The following NOTCH2NLC variants were observed in gnomAD, a reference collection of about 807,000 sequenced individuals.
NOTCH2NLC encodes notch homolog 2 N-terminal-like protein C.
In NOTCH2NLC, 4 loss-of-function variants were observed where a neutral mutation model predicts 17.7. The ratio of observed to expected loss-of-function variants is 0.23; its 90% CI spans 0.11 to 0.52. The LOEUF is 0.52. Ranked by LOEUF, NOTCH2NLC falls within the 20% of genes least tolerant of loss-of-function variation. The pLI is 0.96. For missense variants in NOTCH2NLC, 57 were observed against 207.2 expected (o/e 0.28, Z 4.45); for synonymous variants, 18 against 86.0 (o/e 0.21, Z 4.38).
At chr1:149,445,837 C>T (rs1478936937) in intron 2 of NOTCH2NLC, among the ~76,000 whole-genome samples, 4 of 116,650 alleles carry the variant, frequency 3.4e-5, no homozygotes, top group African/African-American at 9.9e-5. Flanking sequence ...TCTTTTTCTT[C>T]TTGTATGTGG....
chr1:149,400,356 T>C (rs1323225702), intron 1 of NOTCH2NLC, among the ~76,000 whole-genome samples: 3 of 140,746 alleles, frequency 2.1e-5, no homozygotes, highest in African/African-American at 7.7e-5. Context: ...CTTCTTTTGG[T>C]AAATTGTGTC....
intron 1 of NOTCH2NLC, among the ~76,000 whole-genome samples, chr1:149,423,121 G>C (rs2084386753): frequency 7.0e-6 from 1 of 143,284 alleles, no homozygotes; most frequent in Non-Finnish European, 1.5e-5. Flanking sequence ...TTAATATCTG[G>C]ATCTGATACT....
intron 1 of NOTCH2NLC, among the ~76,000 whole-genome samples, chr1:149,412,729 C>T (rs1353723624): frequency 7.7e-6 from 1 of 130,372 alleles, no homozygotes; most frequent in Non-Finnish European, 1.6e-5. Context: ...AGGAGAATCG[C>T]TTGAACCTGG....
chr1:149,445,901 T>TAAAAAA (rs1182076544), intron 2 of NOTCH2NLC, among the ~76,000 whole-genome samples: 2 of 72,602 alleles, frequency 2.8e-5, no homozygotes, highest in Non-Finnish European at 5.3e-5. Context: ...ATCCTCGTTT[T>TAAAAAA]AAAAAAAAAA....
chr1:149,407,919 TC>T (rs2084278764), intron 1 of NOTCH2NLC, among the ~76,000 whole-genome samples: 1 of 67,682 alleles, frequency 1.5e-5, no homozygotes, highest in Non-Finnish European at 3.1e-5. Flanking sequence ...GAATTTCATT[TC>T]TCATGATGTG....
chr1:149,433,444 A>G (rs1323125872), intron 2 of NOTCH2NLC, among the ~76,000 whole-genome samples: 4 of 150,794 alleles, frequency 2.7e-5, no homozygotes, highest in Admixed American at 2.6e-4. Context: ...CTTAAAAGCA[A>G]AATTTAAAAA....
At chr1:149,432,039 GA>G (rs2084454559) in intron 2 of NOTCH2NLC, among the ~76,000 whole-genome samples, 1 of 130,648 alleles carries the variant, frequency 7.7e-6, no homozygotes, top group African/African-American at 2.8e-5. Context: ...AAATTTTTAA[GA>G]GGAATATGTA....
chr1:149,467,516 A>G lies in NOTCH2NLC; in HGVS notation c.*3363A>G, dbSNP rs2084692020. On this transcript the variant is annotated 3_prime_UTR_variant, in exon 5 of 5. Coordinates refer to ENST00000650865, the MANE Select transcript of NOTCH2NLC (RefSeq NM_001364013.2). ...AGAACTAATAGAATCAAATCAATGA[A>G]CCATGTCTCATCTTTTTGGATAAGT... 7.8e-6 allele frequency: 1 copy of G among 128,948 alleles called. No homozygotes were observed. Among genetic ancestry groups the G allele is most frequent in the Admixed American group, 8.4e-5 (1 of 11,914 alleles). 8.0% of individuals were successfully genotyped at this position (128,948 alleles called of 1,614,324 possible).
At chr1:149,445,776 G>GT (rs1307302865) in intron 2 of NOTCH2NLC, among the ~76,000 whole-genome samples, 10 of 149,458 alleles carry the variant, frequency 6.7e-5, no homozygotes, top group South Asian at 2.1e-4. Flanking sequence ...ATTCTGTATA[G>GT]TTTTTTTAAA....
chr1:149,413,075 T>G (rs1167929956), intron 1 of NOTCH2NLC, among the ~76,000 whole-genome samples: 1 of 148,834 alleles, frequency 6.7e-6, no homozygotes, highest in Non-Finnish European at 1.5e-5. Context: ...CCGGCTAATT[T>G]TTTTGTATTT....
chr1:149,460,690 A>G (rs1408022908), intron 3 of NOTCH2NLC, among the ~76,000 whole-genome samples: 3 of 148,284 alleles, frequency 2.0e-5, no homozygotes, highest in African/African-American at 7.4e-5. Context: ...TTTAGGAATC[A>G]TCACAGATCA....
At chr1:149,432,917 TC>T (rs1374348419) in intron 2 of NOTCH2NLC, among the ~76,000 whole-genome samples, 2 of 149,310 alleles carry the variant, frequency 1.3e-5, no homozygotes, top group Non-Finnish European at 3.0e-5. Context: ...GGCCCAGCAA[TC>T]CCATTACTGA....
chr1:149,433,708 G>C (rs1183074384), intron 2 of NOTCH2NLC, among the ~76,000 whole-genome samples: 10 of 148,316 alleles, frequency 6.7e-5, no homozygotes, highest in African/African-American at 2.5e-4. Flanking sequence ...TTGTTGGACT[G>C]TTGGGCTGCT....
At chr1:149,437,525 G>A (rs1284475408) in intron 2 of NOTCH2NLC, among the ~76,000 whole-genome samples, 3 of 113,328 alleles carry the variant, frequency 2.6e-5, no homozygotes, top group African/African-American at 3.2e-5. Flanking sequence ...GTGCAGTGGC[G>A]CTTTCTTGGC....
rs1490229135 is a variant in NOTCH2NLC, at chr1:149,468,780, G to A, written c.*4627G>A. On this transcript the variant is annotated 3_prime_UTR_variant, in exon 5 of 5. Coordinates refer to ENST00000650865, the MANE Select transcript of NOTCH2NLC (RefSeq NM_001364013.2). ...GAGATATGAAGGGACGCAAGTGGAA[G>A]CAGTGAGCCTGGGCGGGTGATGGAG... 2.4e-4 allele frequency among the ~76,000 whole-genome samples: 35 copies of A among 143,038 alleles called. 2 individuals carry two copies. Among genetic ancestry groups the A allele is most frequent in the Non-Finnish European group, 6.1e-5 (4 of 65,796 alleles). 93.8% of individuals were successfully genotyped at this position (143,038 alleles called of 152,430 possible).
chr1:149,461,948 C>G lies in NOTCH2NLC; in HGVS notation c.470-1543C>G, dbSNP rs1280713760. Among the ~76,000 whole-genome samples the G allele has an allele frequency of 3.0e-5, 4 of 135,312 alleles. No individual in the cohort carries two copies. The Admixed American group carries it at 3.0e-4, about 10-fold the overall frequency. The allele number at this position is 135,312 out of a possible 152,430, so 88.8% of individuals were successfully genotyped here. A position where few individuals can be genotyped will look rare whatever the true frequency, so the allele number is the denominator to read the frequency against. ...ATTGAACAATGAGAACACTTGGACACAGGAAGGGGAACATCACAAACCGGG... is the reference window on the plus strand; with the variant it reads ...ATTGAACAATGAGAACACTTGGACAGAGGAAGGGGAACATCACAAACCGGG... On this transcript the variant is annotated intron_variant, in intron 3 of 4. Coordinates refer to ENST00000650865, the MANE Select transcript of NOTCH2NLC (RefSeq NM_001364013.2).
chr1:149,429,811 G>C (rs1264084541), intron 1 of NOTCH2NLC, among the ~76,000 whole-genome samples: 1 of 150,336 alleles, frequency 6.7e-6, no homozygotes, highest in Admixed American at 6.6e-5. Context: ...AGAGTGGTGT[G>C]GGTAGAGGAA....
At position 149,390,714 on chromosome 1, in the gene NOTCH2NLC, G is replaced by A. The variant is rs2084153669; in HGVS notation, c.-74G>A. The stretch of plus-strand genomic sequence containing the variant: ...ATTTGCGCCTGTGCTTCGGACCGTA[G>A]CGCCAGGGCCTGAGCCTTTGAAGCA... On this transcript the variant is annotated 5_prime_UTR_variant, in exon 1 of 5. Coordinates refer to ENST00000650865, the MANE Select transcript of NOTCH2NLC (RefSeq NM_001364013.2). 2 of 1,245,906 alleles carry A rather than the reference G, an allele frequency of 1.6e-6. No individual in the cohort carries two copies. The highest frequency in any genetic ancestry group is 8.7e-5 in the Admixed American group (2 of 22,892). The allele number at this position is 1,245,906 out of a possible 1,614,324, so 77.2% of individuals were successfully genotyped here.
At chr1:149,391,048 C>T in intron 1 of NOTCH2NLC, 126 bp downstream of exon 1, 3 of 848,908 alleles carry the variant, frequency 3.5e-6, no homozygotes, top group South Asian at 3.0e-5. Context: ...AGCGAGGCCA[C>T]TCGCTGGGTT....
Sources: allele counts gnomAD v4.1 joint callset (sites outside exome capture counted in the v4.1 genomes callset), GRCh38; gene constraint gnomAD v4.1.1; transcripts MANE v1.5; gene names NCBI Gene and HGNC (gene_info 2026-07-23, HGNC 2026-07-21).